The following LRP1 variants were observed in gnomAD, a reference collection of about 807,000 sequenced individuals.
LRP1 encodes prolow-density lipoprotein receptor-related protein 1.
Under a neutral mutation model 541.5 loss-of-function variants are expected in LRP1, and 51 were observed. The observed-to-expected ratio is 0.09, with a 90% CI of 0.08 to 0.12. LRP1 has a LOEUF of 0.12. LRP1 is among the 10% of genes least tolerant of loss of function. LRP1 has a pLI of 1.00. For synonymous variants in LRP1, 2,219 were observed against 2,470.8 expected (o/e 0.90, Z 3.02); for missense variants, 3,878 against 6,376.2 (o/e 0.61, Z 13.34).
chr12:57,145,453 G>A lies in LRP1; in HGVS notation c.804G>A (p.Val268=). The change falls in exon 6 of 89, where the codon GTG becomes GTA. Residue 268 remains valine, a synonymous_variant. Coordinates refer to ENST00000243077, the MANE Select transcript of LRP1 (RefSeq NM_002332.3). ...GCATGCCTGGCCTAAAGGGCTTCGTGGATGAGCACACCATCAACATCTCCC... is the reference window on the plus strand; with the variant it reads ...GCATGCCTGGCCTAAAGGGCTTCGTAGATGAGCACACCATCAACATCTCCC... The part of the protein sequence containing the change: ...CARMPGLKGF[V]DEHTINISLS... The A allele has an allele frequency of 6.2e-7, 1 of 1,614,030 alleles. No individual in the cohort carries two copies. Among genetic ancestry groups the A allele is most frequent in the Non-Finnish European group, 8.5e-7 (1 of 1,180,034 alleles).
In LRP1 at chr12:57,177,645, T is replaced by G; in HGVS notation, c.4361+54T>G. 15 of 1,593,376 alleles carry G rather than the reference T, an allele frequency of 9.4e-6. No individual in the cohort carries two copies. Among genetic ancestry groups the G allele is most frequent in the Non-Finnish European group, 1.3e-5 (15 of 1,167,628 alleles). ...CCAAGTCTGTGGCACCAGGACGGGG[T>G]GGGGAGGAACCTGTGGTGATGAGGG... On this transcript the variant is annotated intron_variant, in intron 26 of 88. Coordinates refer to ENST00000243077, the MANE Select transcript of LRP1 (RefSeq NM_002332.3). The surrounding 1 kb of genome is among the most constrained non-coding windows in gnomAD (Gnocchi z 6.8).
chr12:57,181,428 G>C, intron 34 of LRP1, 137 bp downstream of exon 34: 1 of 1,110,820 alleles, frequency 9.0e-7, no homozygotes, highest in Non-Finnish European at 1.2e-6. Flanking sequence ...ACTATGAAGT[G>C]GCTATGACTC....
In LRP1 at chr12:57,212,800, TTGGGGC is replaced by T; in HGVS notation, c.*248_*253del. On this transcript the variant is annotated 3_prime_UTR_variant, in exon 89 of 89. Transcript: ENST00000243077. This position sits in a 1 kb window ranked among gnomAD's most constrained non-coding sequence, Gnocchi z 5.0. ...CTTCAGGGAGACAGGCAGGGAGGGC[TTGGGGC>T]TGCACCTCCTACCCTCCCACCAGAA... 2.1e-6 allele frequency: 1 copy of T among 480,354 alleles called. No homozygotes were observed. Among genetic ancestry groups the T allele is most frequent in the Non-Finnish European group, 3.7e-6 (1 of 270,862 alleles). The allele number at this position is 480,354 out of a possible 1,614,324, so 29.8% of individuals were successfully genotyped here. A position where few individuals can be genotyped will look rare whatever the true frequency, so the allele number is the denominator to read the frequency against.
Position 57,179,613 on chromosome 12 carries a change from G to A in LRP1, c.4966+57G>A. On this transcript the variant is annotated intron_variant, in intron 29 of 88. Coordinates refer to ENST00000243077, the MANE Select transcript of LRP1 (RefSeq NM_002332.3). This position sits in a 1 kb window ranked among gnomAD's most constrained non-coding sequence, Gnocchi z 6.8. Reference sequence around the variant, plus strand: ...ACATGGGCACCTCCACCCGCCCCTTGCTCCCAACCCTGGTCTACTTGGTCC... The same window carrying A: ...ACATGGGCACCTCCACCCGCCCCTTACTCCCAACCCTGGTCTACTTGGTCC... The A allele has an allele frequency of 6.6e-7, 1 of 1,524,320 alleles. No individual in the cohort carries two copies. Among genetic ancestry groups the A allele is most frequent in the Middle Eastern group, 1.8e-4 (1 of 5,652 alleles). The allele number at this position is 1,524,320 out of a possible 1,614,324, so 94.4% of individuals were successfully genotyped here.
chr12:57,156,266 A>G lies in LRP1; in HGVS notation c.1400A>G (p.Gln467Arg), dbSNP rs745308544. Residue 467 changes from glutamine to arginine, a missense_variant, in exon 9 of 89, where the codon CAG becomes CGG. This residue lies in a region of LRP1 where 496 missense variants were observed against 861.0 expected (regional missense o/e 0.58). Transcript: ENST00000243077. The surrounding 1 kb of genome is among the most constrained non-coding windows in gnomAD (Gnocchi z 5.2). ...GGTGGTGCCCTCCACATCTACCACC[A>G]GAGGCGTCAGCCCCGAGGTGAGCAG... ...DKGGALHIYHQRRQPRVRSHA... is the reference protein window; with the variant it reads ...DKGGALHIYHRRRQPRVRSHA... The G allele has an allele frequency of 6.2e-7, 1 of 1,614,170 alleles. No homozygotes were observed. The highest frequency in any genetic ancestry group is 1.1e-5 in the South Asian group (1 of 91,090).
intron 1 of LRP1, among the ~76,000 whole-genome samples, chr12:57,135,257 G>A (rs1346661729): frequency 6.6e-6 from 1 of 152,230 alleles, no homozygotes; most frequent in Non-Finnish European, 1.5e-5. Flanking sequence ...CGGGCCAGGA[G>A]GCGGGGAAGG....
intron 77 of LRP1, 143 bp from the exon 78 acceptor site, chr12:57,208,546 ACCTGCTCAGAAGCAGACTCCCG>A: frequency 5.0e-6 from 3 of 595,634 alleles, no homozygotes; most frequent in South Asian, 4.1e-5. Context: ...AAGCCCCTCA[ACCTGCTCAGAAGCAGACTCCCG>A]CCTGCTTCTC....
Position 57,183,286 on chromosome 12 carries a change from C to T in LRP1, c.5663-93C>T. 1 of 1,362,340 alleles carries T rather than the reference C, an allele frequency of 7.3e-7. No individual in the cohort carries two copies. The highest frequency in any genetic ancestry group is 1.0e-6 in the Non-Finnish European group (1 of 979,444). The allele number at this position is 1,362,340 out of a possible 1,614,324, so 84.4% of individuals were successfully genotyped here. On this transcript the variant is annotated intron_variant, in intron 34 of 88. Transcript: ENST00000243077. The surrounding 1 kb of genome is among the most constrained non-coding windows in gnomAD (Gnocchi z 6.1). ...GGATGATGGTGGGGGGGGATGATATCAAAGGAGAAGCAGAGAACAGTTGGA... is the reference window on the plus strand; with the variant it reads ...GGATGATGGTGGGGGGGGATGATATTAAAGGAGAAGCAGAGAACAGTTGGA...
chr12:57,164,515 T>C (rs1048257652), intron 15 of LRP1: 9 of 152,244 alleles, frequency 5.9e-5, no homozygotes, highest in African/African-American at 2.2e-4. Flanking sequence ...TCACAACCCA[T>C]GTTTGTTGAG....
chr12:57,206,626 A>G lies in LRP1; in HGVS notation c.11744A>G (p.Tyr3915Cys). The change falls in exon 76 of 89, where the codon TAT (tyrosine) becomes TGT (cysteine). Residue 3915 changes from tyrosine to cysteine, a missense_variant. Physicochemically the swap from Tyr to Cys is radical, Grantham distance 194. This residue lies in a region of LRP1 where 871 missense variants were observed against 1,212.4 expected (regional missense o/e 0.72). Transcript: ENST00000243077. The surrounding 1 kb of genome is among the most constrained non-coding windows in gnomAD (Gnocchi z 4.7). Reference protein sequence around the residue: ...MDVHVKAGRVYWTNWHTGTIS... With the variant: ...MDVHVKAGRVCWTNWHTGTIS... ...GTCCATGTCAAGGCTGGCCGTGTCT[A>G]TTGGACCAACTGGCACACGGGCACC... is the stretch of plus-strand genomic sequence containing the variant. The G allele has an allele frequency of 1.2e-6, 2 of 1,614,112 alleles. No individual in the cohort carries two copies. The highest frequency in any genetic ancestry group is 1.7e-6 in the Non-Finnish European group (2 of 1,180,042).
Position 57,179,315 on chromosome 12 carries a change from C to G in LRP1, c.4739-14C>G, listed in dbSNP as rs745565806. Reference sequence around the variant, plus strand: ...GGCAGGGACTGCCTTCAGTGACCAGCCCATGCCCCACAGAGTTTAAGAAGT... The same window carrying G: ...GGCAGGGACTGCCTTCAGTGACCAGGCCATGCCCCACAGAGTTTAAGAAGT... On this transcript the variant is annotated splice_polypyrimidine_tract_variant and intron_variant, in intron 28 of 88. Coordinates refer to ENST00000243077, the MANE Select transcript of LRP1 (RefSeq NM_002332.3). This position sits in a 1 kb window ranked among gnomAD's most constrained non-coding sequence, Gnocchi z 6.8. 1.8e-5 allele frequency: 28 copies of G among 1,588,536 alleles called. 1 individual carries two copies. The highest frequency in any genetic ancestry group is 4.4e-5 in the South Asian group (4 of 90,210).
In LRP1 at chr12:57,180,043, C is replaced by G. The variant is rs759088039; in HGVS notation, c.5142-4C>G. 1.9e-6 allele frequency: 3 copies of G among 1,613,788 alleles called. No homozygotes were observed. Among genetic ancestry groups the G allele is most frequent in the Middle Eastern group, 1.6e-4 (1 of 6,084 alleles). ...ACCTTTCCCTCTTGGCACCCTCCCCCCAGGAAGCTCTACTGGACCGATGGT... is the reference window on the plus strand; with the variant it reads ...ACCTTTCCCTCTTGGCACCCTCCCCGCAGGAAGCTCTACTGGACCGATGGT... On this transcript the variant is annotated splice_polypyrimidine_tract_variant and splice_region_variant and intron_variant, in intron 30 of 88. Transcript: ENST00000243077.
At chr12:57,153,702 A>T (rs907736809) in intron 6 of LRP1, among the ~76,000 whole-genome samples, 1 of 152,050 alleles carries the variant, frequency 6.6e-6, no homozygotes, top group African/African-American at 2.4e-5. Flanking sequence ...TCATATTTTG[A>T]AATACTTTTC....
Position 57,194,574 on chromosome 12 carries a change from C to A in LRP1, c.8069-3C>A, listed in dbSNP as rs754827896. The A allele has an allele frequency of 6.2e-7, 1 of 1,612,692 alleles. No individual in the cohort carries two copies. Among genetic ancestry groups the A allele is most frequent in the South Asian group, 1.1e-5 (1 of 91,030 alleles). On this transcript the variant is annotated splice_polypyrimidine_tract_variant and splice_region_variant and intron_variant, in intron 49 of 88. Coordinates refer to ENST00000243077, the MANE Select transcript of LRP1 (RefSeq NM_002332.3). ...GGGCCCTCACACCTGCCTCGCCCCCCAGGTGTGAAACGCCCCAGATGCCCT... is the reference window on the plus strand; with the variant it reads ...GGGCCCTCACACCTGCCTCGCCCCCAAGGTGTGAAACGCCCCAGATGCCCT...
chr12:57,201,374 T>C lies in LRP1; in HGVS notation c.10346-123T>C. The C allele has an allele frequency of 1.4e-6, 2 of 1,452,314 alleles. No homozygotes were observed. Among genetic ancestry groups the C allele is most frequent in the African/African-American group, 1.4e-5 (1 of 70,848 alleles). The allele number at this position is 1,452,314 out of a possible 1,614,324, so 90.0% of individuals were successfully genotyped here. ...AGCACCAAAACTGGGGATAAACTGTTCCTTCCTCCGAAGAAGTTGCTGGCA... is the reference window on the plus strand; with the variant it reads ...AGCACCAAAACTGGGGATAAACTGTCCCTTCCTCCGAAGAAGTTGCTGGCA... On this transcript the variant is annotated intron_variant, in intron 65 of 88. Transcript: ENST00000243077. The surrounding 1 kb of genome is among the most constrained non-coding windows in gnomAD (Gnocchi z 6.4).
Position 57,177,237 on chromosome 12 carries a change from C to T in LRP1, c.4188C>T (p.Pro1396=), listed in dbSNP as rs769698028. 2.2e-5 allele frequency: 36 copies of T among 1,613,940 alleles called. No individual in the cohort carries two copies. Among genetic ancestry groups the T allele is most frequent in the Non-Finnish European group, 2.6e-5 (31 of 1,179,962 alleles). ...IEHPRAIALD[P]RDGILFWTDW... is the part of the protein sequence containing the mutation. ...ACCCAAGGGCAATCGCACTGGATCC[C>T]CGGGATGGGTGAGGACCTTGCCCAG... Residue 1396 remains proline, a synonymous_variant, in exon 25 of 89, where the codon CCC becomes CCT. Coordinates refer to ENST00000243077, the MANE Select transcript of LRP1 (RefSeq NM_002332.3). This position sits in a 1 kb window ranked among gnomAD's most constrained non-coding sequence, Gnocchi z 6.8.
intron 1 of LRP1, among the ~76,000 whole-genome samples, chr12:57,129,825 G>A (rs149891013): frequency 6.6e-6 from 1 of 152,272 alleles, no homozygotes; most frequent in Non-Finnish European, 1.5e-5. Context: ...GGGGGAGGCT[G>A]CCTTCTTCCT....
intron 55 of LRP1, among the ~76,000 whole-genome samples, 174 bp downstream of exon 55, chr12:57,196,451 T>A (rs2036536022): frequency 1.3e-5 from 2 of 152,198 alleles, no homozygotes; most frequent in Admixed American, 1.3e-4. Context: ...CCAGCAGATT[T>A]GCTGACAGAT....
intron 6 of LRP1, chr12:57,148,842 GGAA>G (rs1212820456): frequency 4.2e-6 from 2 of 476,494 alleles, no homozygotes; most frequent in South Asian, 3.9e-5. Context: ...TGCTGCATGG[GGAA>G]GAAGGAGGTG....
Sources: gnomAD v4.1 joint callset for allele counts (sites outside exome capture counted in the v4.1 genomes callset) on GRCh38, gnomAD v4.1.1 for gene constraint, gnomAD v4.1.1 regional missense constraint, Gnocchi (gnomAD v3.1) non-coding constraint, MANE v1.5 for transcripts, NCBI Gene and HGNC (gene_info 2026-07-23, HGNC 2026-07-21) for gene names.